The following PDZD2 variants were observed in gnomAD, a reference collection of about 807,000 sequenced individuals.
The protein encoded by PDZD2 is PDZ domain-containing protein 2.
PDZD2 carries 90 observed loss-of-function variants against 220.7 expected under a neutral mutation model. The observed-to-expected ratio is 0.41, with a 90% CI of 0.34 to 0.49. PDZD2 has a LOEUF of 0.49. Among genes scored for constraint, PDZD2 ranks in the 20% least tolerant of loss-of-function variants. The pLI is 0.28. For synonymous variants in PDZD2, 1,375 were observed against 1,450.5 expected (o/e 0.95, Z 1.18); for missense variants, 3,174 against 3,608.5 (o/e 0.88, Z 3.08).
At chr5:32,023,038 A>C (rs1373963711) in intron 6 of PDZD2, among the ~76,000 whole-genome samples, 1 of 152,200 alleles carries the variant, frequency 6.6e-6, no homozygotes, top group Non-Finnish European at 1.5e-5. Context: ...AGAGGCGGGA[A>C]GCCGTGTGAG....
intron 2 of PDZD2, among the ~76,000 whole-genome samples, chr5:31,887,157 AT>A (rs1477357942): frequency 6.6e-6 from 1 of 152,214 alleles, no homozygotes; most frequent in African/African-American, 2.4e-5. Context: ...GACCAGTTCA[AT>A]GAGTTCTGAA....
At chr5:32,082,989 A>C (rs185602141) in intron 19 of PDZD2, among the ~76,000 whole-genome samples, 2 of 152,296 alleles carry the variant, frequency 1.3e-5, no homozygotes, top group East Asian at 3.9e-4. Flanking sequence ...TTTGTCACTA[A>C]ATGTTTAACT....
chr5:31,934,809 A>G (rs1745582748), intron 2 of PDZD2, among the ~76,000 whole-genome samples: 1 of 152,140 alleles, frequency 6.6e-6, no homozygotes, highest in South Asian at 2.1e-4. Flanking sequence ...AAATCTGGCC[A>G]GCAGTGGTGG....
At chr5:31,680,281 CA>C (rs1335459024) in intron 1 of PDZD2, among the ~76,000 whole-genome samples, 2 of 152,158 alleles carry the variant, frequency 1.3e-5, no homozygotes, top group Non-Finnish European at 2.9e-5. Flanking sequence ...CTTCCCTTCA[CA>C]GAAAGGCTCT....
At chr5:31,715,219 G>T (rs1418352709) in intron 1 of PDZD2, among the ~76,000 whole-genome samples, 4 of 152,068 alleles carry the variant, frequency 2.6e-5, no homozygotes, top group African/African-American at 9.7e-5. Context: ...TGGTAGAGAG[G>T]GCTTTGTAGT....
chr5:31,858,781 T>C (rs528293265), intron 2 of PDZD2, among the ~76,000 whole-genome samples: 1 of 145,536 alleles, frequency 6.9e-6, no homozygotes, highest in Admixed American at 6.8e-5. Context: ...TGTAGTGGCA[T>C]GATTTCAACT....
At chr5:31,873,814 T>TC (rs1739060725) in intron 2 of PDZD2, among the ~76,000 whole-genome samples, 1 of 151,146 alleles carries the variant, frequency 6.6e-6, no homozygotes, top group South Asian at 2.1e-4. Context: ...CACGGCAACC[T>TC]CCACCTCCCA....
At chr5:31,821,479 C>T (rs577584178) in intron 2 of PDZD2, among the ~76,000 whole-genome samples, 1 of 151,942 alleles carries the variant, frequency 6.6e-6, no homozygotes, top group Non-Finnish European at 1.5e-5. Context: ...CTCCCAGGTT[C>T]AAGTGATTTT....
At chr5:31,889,013 C>A (rs542580963) in intron 2 of PDZD2, among the ~76,000 whole-genome samples, 9 of 152,140 alleles carry the variant, frequency 5.9e-5, no homozygotes, top group African/African-American at 2.2e-4. Flanking sequence ...TGCTCCTCCC[C>A]GAGCCCCCTC....
At chr5:31,810,080 G>T (rs1394039685) in intron 2 of PDZD2, among the ~76,000 whole-genome samples, 1 of 152,128 alleles carries the variant, frequency 6.6e-6, no homozygotes, top group East Asian at 1.9e-4. Flanking sequence ...TCTTAGTGTG[G>T]TTATAGTGTT....
At chr5:31,873,723 C>G (rs1413373520) in intron 2 of PDZD2, among the ~76,000 whole-genome samples, 1 of 140,942 alleles carries the variant, frequency 7.1e-6, no homozygotes, top group East Asian at 2.0e-4. Context: ...TAAGAGCTGA[C>G]ATTGCAGTCT....
chr5:31,645,956 T>G (rs1310425505), intron 1 of PDZD2, among the ~76,000 whole-genome samples: 8 of 142,604 alleles, frequency 5.6e-5, no homozygotes, highest in Admixed American at 2.1e-4. Flanking sequence ...GGGAAGGGGG[T>G]GGGGAACTGG....
chr5:31,702,172 G>A lies in PDZD2; in HGVS notation c.-361+62735G>A, dbSNP rs192666114. Among the ~76,000 whole-genome samples, 14 of 152,338 alleles carry A rather than the reference G, an allele frequency of 9.2e-5. No homozygotes were observed. The East Asian group carries it at 1.7e-3, about 19-fold the overall frequency. On this transcript the variant is annotated intron_variant, in intron 1 of 24. Transcript: ENST00000438447. ...ATGGCAGCACTCTTGGGAGTAGAGAGGGGGTGAGAGTTATGGAGTTTTATG... is the reference window on the plus strand; with the variant it reads ...ATGGCAGCACTCTTGGGAGTAGAGAAGGGGTGAGAGTTATGGAGTTTTATG...
chr5:31,711,315 C>A (rs1467945474), intron 1 of PDZD2, among the ~76,000 whole-genome samples: 1 of 152,174 alleles, frequency 6.6e-6, no homozygotes, highest in Non-Finnish European at 1.5e-5. Flanking sequence ...ATGTACTGTG[C>A]CCCGAGCTAC....
chr5:32,002,774 C>CACACACAT, intron 5 of PDZD2, among the ~76,000 whole-genome samples: 1 of 29,958 alleles, frequency 3.3e-5, no homozygotes, highest in South Asian at 1.0e-3. Flanking sequence ...ACCACACACA[C>CACACACAT]CAACACACAA....
At chr5:31,831,630 C>T (rs1010942030) in intron 2 of PDZD2, among the ~76,000 whole-genome samples, 3 of 152,042 alleles carry the variant, frequency 2.0e-5, no homozygotes, top group African/African-American at 7.3e-5. Context: ...TGCCTGTAGT[C>T]CCAGCTACTT....
intron 2 of PDZD2, among the ~76,000 whole-genome samples, chr5:31,884,052 A>G (rs1293220701): frequency 2.0e-5 from 3 of 152,162 alleles, no homozygotes; most frequent in African/African-American, 7.2e-5. Flanking sequence ...ATCTGTACTA[A>G]AAATACAAAA....
At chr5:32,030,515 G>C (rs1338332397) in intron 6 of PDZD2, among the ~76,000 whole-genome samples, 1 of 152,188 alleles carries the variant, frequency 6.6e-6, no homozygotes, top group Non-Finnish European at 1.5e-5. Flanking sequence ...CTTTTTACCT[G>C]CTGCTTAAAT....
intron 1 of PDZD2, among the ~76,000 whole-genome samples, chr5:31,775,012 T>A (rs1205801820): frequency 2.0e-5 from 3 of 152,192 alleles, no homozygotes; most frequent in African/African-American, 7.2e-5. Context: ...GTCAACCAGC[T>A]TGCAAACTTC....
Sources: allele counts gnomAD v4.1 joint callset (sites outside exome capture counted in the v4.1 genomes callset), GRCh38; gene constraint gnomAD v4.1.1; transcripts MANE v1.5; gene names NCBI Gene and HGNC (gene_info 2026-07-23, HGNC 2026-07-21).